The following ARHGEF33 variants were observed in gnomAD, a reference collection of about 807,000 sequenced individuals.
ARHGEF33 encodes Rho guanine nucleotide exchange factor 33.
A neutral mutation model predicts 101.9 loss-of-function variants in ARHGEF33; 72 were observed. That is an observed-to-expected ratio of 0.71 (90% confidence interval 0.58 to 0.86). ARHGEF33 has a LOEUF of 0.86. Ranked by LOEUF, ARHGEF33 falls within the 40% of genes least tolerant of loss-of-function variation. ARHGEF33 has a pLI of 0.00. For synonymous variants in ARHGEF33, 499 were observed against 442.5 expected, an observed-to-expected ratio of 1.13 and a Z score of -1.60; for missense variants, 1,169 against 1,111.3, an observed-to-expected ratio of 1.05 and a Z score of -0.74.
chr2:38,958,050 C>T lies in ARHGEF33; in HGVS notation c.1387C>T (p.Leu463=), dbSNP rs1304445500. 2 of 1,552,174 alleles carry T rather than the reference C, an allele frequency of 1.3e-6. No individual in the cohort carries two copies. Among genetic ancestry groups the T allele is most frequent in the East Asian group, 2.4e-5 (1 of 40,938 alleles). The change falls in exon 15 of 18, where the codon CTG becomes TTG. Residue 463 remains leucine, a synonymous_variant. Coordinates refer to ENST00000409978, the MANE Select transcript of ARHGEF33 (RefSeq NM_001145451.5). ...KKLKKSSMAK[L]YKGLASQCAN... is the part of the protein sequence containing the mutation. ...TTCTGTTAGGTCATCCATGGCGAAG[C>T]TGTACAAAGGGCTGGCTTCCCAGTG...
chr2:38,902,300 G>A (rs1218641441), intron 2 of ARHGEF33, among the ~76,000 whole-genome samples: 1 of 152,112 alleles, frequency 6.6e-6, no homozygotes, highest in Non-Finnish European at 1.5e-5. Context: ...TGATATATTT[G>A]GGCAAGGCAT....
At chr2:38,900,756 T>G (rs1305008510) in intron 2 of ARHGEF33, among the ~76,000 whole-genome samples, 1 of 152,122 alleles carries the variant, frequency 6.6e-6, no homozygotes, top group African/African-American at 2.4e-5. Context: ...GATTTAAGAT[T>G]AAGGTCCCAC....
rs866323891 is a variant in ARHGEF33 at position 38,938,303 on chromosome 2, G to A, written c.790+744G>A. On this transcript the variant is annotated intron_variant, in intron 9 of 17. Coordinates refer to ENST00000409978, the MANE Select transcript of ARHGEF33 (RefSeq NM_001145451.5). ...GTAATCCCAGCACTTTGGGAGGACA[G>A]GTGGGAGGATCCATTGGGCCCAGGA... Among the ~76,000 whole-genome samples, 8 of 152,130 alleles carry A rather than the reference G, an allele frequency of 5.3e-5. No individual in the cohort carries two copies. In the South Asian group the frequency reaches 6.2e-4, roughly 12 times the overall value.
intron 10 of ARHGEF33, among the ~76,000 whole-genome samples, chr2:38,947,193 T>C (rs556564953): frequency 6.6e-6 from 1 of 152,180 alleles, no homozygotes; most frequent in South Asian, 2.1e-4. Context: ...AACTTGACAT[T>C]CAAGCCTGAG....
chr2:38,955,133 T>A (rs959318932), intron 13 of ARHGEF33, among the ~76,000 whole-genome samples: 1 of 152,180 alleles, frequency 6.6e-6, no homozygotes, highest in Non-Finnish European at 1.5e-5. Flanking sequence ...TAAATATCCA[T>A]CTAACCTGTT....
chr2:38,949,983 C>A (rs1018723150), intron 10 of ARHGEF33, among the ~76,000 whole-genome samples: 3 of 152,158 alleles, frequency 2.0e-5, no homozygotes, highest in Admixed American at 6.5e-5. Context: ...GGTGCTAAAC[C>A]ATTCACGAGA....
rs1487041781 is a variant in ARHGEF33 at position 38,958,197 on chromosome 2, A to T, written c.1534A>T (p.Thr512Ser). The T allele has an allele frequency of 1.3e-6, 2 of 1,551,442 alleles. No individual in the cohort carries two copies. Among genetic ancestry groups the T allele is most frequent in the East Asian group, 4.9e-5 (2 of 40,900 alleles). Residue 512 changes from threonine to serine, a missense_variant and splice_region_variant, in exon 15 of 18, where the codon ACA becomes TCA. Thr to Ser is a moderately conservative substitution (Grantham distance 58, BLOSUM62 1). Coordinates refer to ENST00000409978, the MANE Select transcript of ARHGEF33 (RefSeq NM_001145451.5). Reference protein sequence around the residue: ...PSAPSSGPAITHLMPPVKKSQ... With the variant: ...PSAPSSGPAISHLMPPVKKSQ... ...TGCTCCCAGTTCTGGCCCTGCCATCACGTAAGCACCTGTTGCTGTGGGAAG... is the reference window on the plus strand; with the variant it reads ...TGCTCCCAGTTCTGGCCCTGCCATCTCGTAAGCACCTGTTGCTGTGGGAAG...
chr2:38,919,039 C>G (rs1279382629), intron 2 of ARHGEF33, among the ~76,000 whole-genome samples: 1 of 152,086 alleles, frequency 6.6e-6, no homozygotes, highest in Non-Finnish European at 1.5e-5. Flanking sequence ...GAACAAGACC[C>G]TGTTTGAAAA....
chr2:38,929,075 G>A lies in ARHGEF33; in HGVS notation c.240+4G>A. 1 of 1,543,868 alleles carries A rather than the reference G, an allele frequency of 6.5e-7. No individual in the cohort carries two copies. Among genetic ancestry groups the A allele is most frequent in the Non-Finnish European group, 8.7e-7 (1 of 1,143,960 alleles). ...GAATTCATTAAACTATTTCAAGGTAGGCCTCTCTTTAATTTCCCTGCTGAC... is the reference window on the plus strand; with the variant it reads ...GAATTCATTAAACTATTTCAAGGTAAGCCTCTCTTTAATTTCCCTGCTGAC... On this transcript the variant is annotated splice_donor_region_variant and intron_variant, in intron 5 of 17. Coordinates refer to ENST00000409978, the MANE Select transcript of ARHGEF33 (RefSeq NM_001145451.5).
Position 38,919,439 on chromosome 2 carries a change from A to G in ARHGEF33, c.-9A>G. 1.9e-6 allele frequency: 3 copies of G among 1,551,898 alleles called. No individual in the cohort carries two copies. Among genetic ancestry groups the G allele is most frequent in the Middle Eastern group, 1.7e-4 (1 of 5,988 alleles). On this transcript the variant is annotated 5_prime_UTR_variant, in exon 3 of 18. Transcript: ENST00000409978. ...AAGAATAAGCTGGAGAAGAGAAGTA[A>G]CCGGCACTATGGAAAAAACCAAAAC...
rs1473554184 is a variant in ARHGEF33, at chr2:38,921,324, T to C, written c.26-50T>C. ...ATTCCCTGCATGTATCTGGAGGGGA[T>C]AGGGACAGAATGAGTAGTGTTGATT... On this transcript the variant is annotated intron_variant, in intron 3 of 17. Coordinates refer to ENST00000409978, the MANE Select transcript of ARHGEF33 (RefSeq NM_001145451.5). 3 of 1,118,790 alleles carry C rather than the reference T, an allele frequency of 2.7e-6. No individual in the cohort carries two copies. In the South Asian group the frequency reaches 4.0e-5, roughly 15 times the overall value. 69.3% of individuals were successfully genotyped at this position (1,118,790 alleles called of 1,614,324 possible).
In ARHGEF33 at chr2:38,954,405, G is replaced by A. The variant is rs777389336; in HGVS notation, c.1170G>A (p.Thr390=). ...GDEEIKSDIY[T]LFFHIVQRIP... Reference sequence around the variant, plus strand: ...AAGAGATTAAATCTGACATCTACACGTTGTTTTTTCACATAGTCCAGCGCA... The same window carrying A: ...AAGAGATTAAATCTGACATCTACACATTGTTTTTTCACATAGTCCAGCGCA... The change falls in exon 13 of 18, where the codon ACG becomes ACA. Residue 390 remains threonine, a synonymous_variant. Coordinates refer to ENST00000409978, the MANE Select transcript of ARHGEF33 (RefSeq NM_001145451.5). The A allele has an allele frequency of 1.3e-5, 20 of 1,550,804 alleles. No individual in the cohort carries two copies. The highest frequency in any genetic ancestry group is 2.7e-5 in the African/African-American group (2 of 73,008).
In ARHGEF33 at chr2:38,896,572, G is replaced by T. The variant is rs138686930; in HGVS notation, c.-86+723G>T. 2.0e-3 allele frequency among the ~76,000 whole-genome samples: 297 copies of T among 152,238 alleles called. 2 individuals are homozygous for T. Among genetic ancestry groups the T allele is most frequent in the African/African-American group, 6.4e-3 (265 of 41,528 alleles). Reference sequence around the variant, plus strand: ...GGCTTTGTCACTTAATAACCATGTGGGCTAGGTAACTATTATGCCCACTTG... The same window carrying T: ...GGCTTTGTCACTTAATAACCATGTGTGCTAGGTAACTATTATGCCCACTTG... On this transcript the variant is annotated intron_variant, in intron 2 of 17. Coordinates refer to ENST00000409978, the MANE Select transcript of ARHGEF33 (RefSeq NM_001145451.5).
intron 16 of ARHGEF33, among the ~76,000 whole-genome samples, chr2:38,961,764 G>A (rs1667948942): frequency 6.6e-6 from 1 of 151,988 alleles, no homozygotes; most frequent in East Asian, 1.9e-4. Context: ...AACTGTGGGA[G>A]CACATGGGAA....
intron 1 of ARHGEF33, among the ~76,000 whole-genome samples, chr2:38,895,463 C>T (rs1048981128): frequency 6.6e-6 from 1 of 152,128 alleles, no homozygotes; most frequent in Non-Finnish European, 1.5e-5. Context: ...CAGCAAAGCC[C>T]CCTAAGCCAT....
chr2:38,907,859 G>GAT lies in ARHGEF33; in HGVS notation c.-85-11503_-85-11502dup, dbSNP rs919202632. On this transcript the variant is annotated intron_variant, in intron 2 of 17. Transcript: ENST00000409978. ...GCCTCTTGCACAGTGTCTCTGGGAG[G>GAT]ATTTTTTTTTTTTTTTTTAGACAAT... Among the ~76,000 whole-genome samples, 17 of 149,246 alleles carry GAT rather than the reference G, an allele frequency of 1.1e-4. No homozygotes were observed. The East Asian group carries it at 2.4e-3, about 21-fold the overall frequency.
At chr2:38,953,655 T>C (rs34380388) in intron 12 of ARHGEF33, among the ~76,000 whole-genome samples, 9,393 of 152,248 alleles carry the variant, frequency 0.062, 661 homozygotes, top group African/African-American at 0.17. Flanking sequence ...CTTGAAGTAT[T>C]GCTACTGCAA....
intron 1 of ARHGEF33, among the ~76,000 whole-genome samples, 154 bp from the exon 2 acceptor site, chr2:38,895,623 A>G (rs1332593454): frequency 6.6e-6 from 1 of 152,216 alleles, no homozygotes; most frequent in East Asian, 1.9e-4. Context: ...TTACTTTTTT[A>G]CTTTATATGT....
chr2:38,942,491 A>G (rs1667340049), intron 9 of ARHGEF33, among the ~76,000 whole-genome samples: 1 of 141,466 alleles, frequency 7.1e-6, no homozygotes, highest in African/African-American at 2.6e-5. Context: ...TTTTTAAGAA[A>G]GGGAGATTTC....
Sources: allele counts gnomAD v4.1 joint callset (sites outside exome capture counted in the v4.1 genomes callset), GRCh38; gene constraint gnomAD v4.1.1; transcripts MANE v1.5; gene names NCBI Gene and HGNC (gene_info 2026-07-23, HGNC 2026-07-21).